GRIN2C: variants seen among roughly 807,000 people sequenced by gnomAD.
GRIN2C encodes the protein glutamate receptor ionotropic, NMDA 2C.
Under a neutral mutation model 77.7 loss-of-function variants are expected in GRIN2C, and 64 were observed. The observed-to-expected ratio is 0.82, with a 90% confidence interval of 0.67 to 1.01. The LOEUF (loss-of-function observed/expected upper bound fraction) is 1.01. GRIN2C is among the 50% of genes least tolerant of loss of function. GRIN2C has a pLI of 0.00. For missense variants in GRIN2C, 1,549 were observed against 1,486.0 expected (o/e 1.04, Z -0.70); for synonymous variants, 792 against 643.4 (o/e 1.23, Z -3.49).
Position 74,854,638 on chromosome 17 carries a change from G to A in GRIN2C, c.399+56C>T, listed in dbSNP as rs188609403. 3.9e-5 allele frequency: 58 copies of A among 1,494,998 alleles called. No individual in the cohort carries two copies. In the East Asian group the frequency reaches 1.1e-3, roughly 28 times the overall value. 92.6% of individuals were successfully genotyped at this position (1,494,998 alleles called of 1,614,324 possible). A position where few individuals can be genotyped will look rare whatever the true frequency, so the allele number is the denominator to read the frequency against. ...AGCTTCCCAGAACCAAAGCACCCCC[G>A]ACCCCAGCCTGGTTCCAGGCCTGAG... On this transcript the variant is annotated intron_variant, in intron 2 of 12. Coordinates refer to ENST00000293190, the MANE Select transcript of GRIN2C (RefSeq NM_000835.6).
chr17:74,842,948 C>A lies in GRIN2C; in HGVS notation c.3189G>T (p.Arg1063=). The A allele has an allele frequency of 1.8e-6, 1 of 556,362 alleles. No individual in the cohort carries two copies. The highest frequency in any genetic ancestry group is 2.2e-5 in the South Asian group (1 of 45,956). The allele number at this position is 556,362 out of a possible 1,614,324, so 34.5% of individuals were successfully genotyped here. ...CCCAGGCCGCGTGCAGCAGGGCCTC[C>A]CGCCGGGCCAGCTGCTCCGGACCGA... ...PLLGPEQLAR[R]EALLHAAWAR... The change falls in exon 13 of 13, where the codon CGG becomes CGT. Residue 1063 remains arginine, a synonymous_variant. Transcript: ENST00000293190.
intron 3 of GRIN2C, 32 bp downstream of exon 3, chr17:74,851,981 T>TCCCTACCC (rs2037660045): frequency 6.9e-7 from 1 of 1,446,254 alleles, no homozygotes; most frequent in African/African-American, 1.4e-5. Flanking sequence ...GCTCCCCACC[T>TCCCTACCC]CCCTACCCCT....
rs995039589 is a variant in GRIN2C at position 74,842,928 on chromosome 17, G to A, written c.3209C>T (p.Ala1070Val). 4 of 568,072 alleles carry A rather than the reference G, an allele frequency of 7.0e-6. No individual in the cohort carries two copies. Among genetic ancestry groups the A allele is most frequent in the Non-Finnish European group, 1.2e-5 (4 of 323,184 alleles). The allele number at this position is 568,072 out of a possible 1,614,324, so 35.2% of individuals were successfully genotyped here. A position where few individuals can be genotyped will look rare whatever the true frequency, so the allele number is the denominator to read the frequency against. Reference protein sequence around the residue: ...LARREALLHAAWARGSRPRHA... With the variant: ...LARREALLHAVWARGSRPRHA... ...ACGCGGGCGCGAGCCCCGGGCCCAGGCCGCGTGCAGCAGGGCCTCCCGCCG... is the reference window on the plus strand; with the variant it reads ...ACGCGGGCGCGAGCCCCGGGCCCAGACCGCGTGCAGCAGGGCCTCCCGCCG... The change falls in exon 13 of 13, where the codon GCC becomes GTC. Residue 1070 changes from alanine to valine, a missense_variant. Around this residue, in one of 3 missense-constraint regions of GRIN2C, gnomAD observed 450 missense variants for 267.9 expected, o/e 1.68. Transcript: ENST00000293190.
rs1035838861 is a variant in GRIN2C, at chr17:74,859,542, G to A, written c.-16+202C>T. 2.0e-5 allele frequency among the ~76,000 whole-genome samples: 3 copies of A among 151,270 alleles called. No homozygotes were observed. The East Asian group carries it at 5.9e-4, about 30-fold the overall frequency. ...GGTGAGCCGCCCCTCCTTTGCCGTC[G>A]GGTTTCCCTCCCTCCCTTTTGCCCA... is the stretch of plus-strand genomic sequence containing the variant. On this transcript the variant is annotated intron_variant, in intron 1 of 12. Transcript: ENST00000293190. This position sits in a 1 kb window ranked among gnomAD's most constrained non-coding sequence, Gnocchi z 5.9.
At chr17:74,860,946 A>C (rs1019095445), upstream of GRIN2C, 2 of 179,824 alleles carry the variant, frequency 1.1e-5, no homozygotes, top group South Asian at 9.7e-5. Context: ...GCCCCCTTTC[A>C]CCTTCTCGAC....
At chr17:74,853,311 T>TTG (rs2144606501) in intron 2 of GRIN2C, 1 of 152,320 alleles carries the variant, frequency 6.6e-6, no homozygotes, top group Non-Finnish European at 1.5e-5. Flanking sequence ...CAACGCAGTT[T>TTG]CTTCAATAAA....
At position 74,844,276 on chromosome 17, in the gene GRIN2C, C is replaced by G. The variant is rs565731175; in HGVS notation, c.2583G>C (p.Arg861Ser). 4.3e-6 allele frequency: 7 copies of G among 1,613,636 alleles called. No individual in the cohort carries two copies. Among genetic ancestry groups the G allele is most frequent in the African/African-American group, 4.0e-5 (3 of 75,024 alleles). ...TGTGTGGGGAGGGGTGGGCACCCAC[C>G]CTGCTGAAAGCCAGCAGGAAGTCCA... ...SQLDFLLAFSRGIYSCFSGVQ... is the reference protein window; with the variant it reads ...SQLDFLLAFSSGIYSCFSGVQ... The change falls in exon 12 of 13, where the codon AGG becomes AGC. Residue 861 changes from arginine (R) to serine (S), a missense_variant and splice_region_variant. By Grantham distance (110) the Arg-to-Ser change is moderately radical. Around this residue, in one of 3 missense-constraint regions of GRIN2C, gnomAD observed 450 missense variants for 267.9 expected, o/e 1.68. Transcript: ENST00000293190.
rs981682507 is a variant in GRIN2C, at chr17:74,852,520, G to A, written c.491C>T (p.Ala164Val). The change falls in exon 3 of 13, where the codon GCC becomes GTC. Residue 164 changes from alanine (A) to valine (V), a missense_variant. Transcript: ENST00000293190. The stretch of plus-strand genomic sequence containing the variant: ...GTGCAGGCTGGTGATGACGGCGAAG[G>A]CGCTCCAGTCGTACTCTTCCAGCAC... ...FKVLEEYDWS[A>V]FAVITSLHPG... 6.4e-7 allele frequency: 1 copy of A among 1,568,654 alleles called. No homozygotes were observed. Among genetic ancestry groups the A allele is most frequent in the Non-Finnish European group, 8.6e-7 (1 of 1,165,390 alleles).
At position 74,847,609 on chromosome 17, in the gene GRIN2C, C is replaced by T; in HGVS notation, c.1772-72G>A. ...TGAAAGGGCTCAGGGCTCAGCCCAC[C>T]CGACTGCACAGCTCCGGTCTCAGCC... On this transcript the variant is annotated intron_variant, in intron 8 of 12. Transcript: ENST00000293190. The surrounding 1 kb of genome is among the most constrained non-coding windows in gnomAD (Gnocchi z 5.2). 1 of 1,152,474 alleles carries T rather than the reference C, an allele frequency of 8.7e-7. No individual in the cohort carries two copies. Among genetic ancestry groups the T allele is most frequent in the Non-Finnish European group, 1.3e-6 (1 of 791,708 alleles). 71.4% of individuals were successfully genotyped at this position (1,152,474 alleles called of 1,614,324 possible). A position where few individuals can be genotyped will look rare whatever the true frequency, so the allele number is the denominator to read the frequency against.
chr17:74,858,358 G>A (rs1328839030), intron 1 of GRIN2C, among the ~76,000 whole-genome samples: 6 of 147,654 alleles, frequency 4.1e-5, no homozygotes, highest in East Asian at 2.0e-4. Context: ...GTTGGGGGTC[G>A]GGGGGTGGGG....
intron 2 of GRIN2C, 57 bp from the exon 3 acceptor site, chr17:74,852,668 T>G: frequency 2.9e-6 from 2 of 685,352 alleles, no homozygotes; most frequent in East Asian, 3.7e-5. Context: ...CTCCCGCCCC[T>G]TCCCCGACCT....
chr17:74,849,830 C>A lies in GRIN2C; in HGVS notation c.1595G>T (p.Ser532Ile), dbSNP rs779029103. The A allele has an allele frequency of 6.2e-7, 1 of 1,613,660 alleles. No homozygotes were observed. The highest frequency in any genetic ancestry group is 8.5e-7 in the Non-Finnish European group (1 of 1,179,844). Residue 532 changes from serine (S) to isoleucine (I), a missense_variant, in exon 7 of 13, where the codon AGT (serine) becomes ATT (isoleucine). This residue lies in a region of GRIN2C where 717 missense variants were observed against 858.1 expected (regional missense o/e 0.84). Coordinates refer to ENST00000293190, the MANE Select transcript of GRIN2C (RefSeq NM_000835.6). The surrounding 1 kb of genome is among the most constrained non-coding windows in gnomAD (Gnocchi z 4.6). ...FSVPFVETGI[S>I]VMVARSNGTV... ...GCCATTGCTGCGAGCCACCATCACA[C>A]TGATGCCCGTCTCCACAAAGGGTAC...
In GRIN2C at chr17:74,847,327, G is replaced by A. The variant is rs779395356; in HGVS notation, c.1982C>T (p.Ser661Leu). The A allele has an allele frequency of 1.0e-5, 13 of 1,291,694 alleles. No homozygotes were observed. Among genetic ancestry groups the A allele is most frequent in the South Asian group, 1.2e-5 (1 of 86,168 alleles). 80.0% of individuals were successfully genotyped at this position (1,291,694 alleles called of 1,614,324 possible). ...MIQEQYIDTV[S>L]GLSDKKFQRP... The stretch of plus-strand genomic sequence containing the variant: ...CACAACCTTCTTGTCACTGAGGCCC[G>A]ACACAGTGTCGATGTATTGCTCTTG... The change falls in exon 9 of 13, where the codon TCG (serine) becomes TTG (leucine). Residue 661 changes from serine (S) to leucine (L), a missense_variant. By Grantham distance (145) the Ser-to-Leu change is moderately radical. Around this residue, in one of 3 missense-constraint regions of GRIN2C, gnomAD observed 717 missense variants for 858.1 expected, o/e 0.84. Transcript: ENST00000293190. This position sits in a 1 kb window ranked among gnomAD's most constrained non-coding sequence, Gnocchi z 5.2.
Position 74,850,171 on chromosome 17 carries a change from C to A in GRIN2C, c.1491+35G>T. 1 of 1,608,308 alleles carries A rather than the reference C, an allele frequency of 6.2e-7. No homozygotes were observed. The highest frequency in any genetic ancestry group is 8.5e-7 in the Non-Finnish European group (1 of 1,177,160). Reference sequence around the variant, plus strand: ...GGGGCCTGGGCAGCAGGTGGGCAGGCAGGGCAGGTGAGGAGGGAGTGGGGT... The same window carrying A: ...GGGGCCTGGGCAGCAGGTGGGCAGGAAGGGCAGGTGAGGAGGGAGTGGGGT... On this transcript the variant is annotated intron_variant, in intron 6 of 12. Coordinates refer to ENST00000293190, the MANE Select transcript of GRIN2C (RefSeq NM_000835.6). This position sits in a 1 kb window ranked among gnomAD's most constrained non-coding sequence, Gnocchi z 5.3.
upstream of GRIN2C, chr17:74,860,556 C>T (rs1407049083): frequency 8.9e-6 from 4 of 451,162 alleles, no homozygotes; most frequent in South Asian, 3.1e-5. Flanking sequence ...ACAGGAGACT[C>T]GGGGCTTCCC....
In GRIN2C at chr17:74,842,490, C is replaced by A. The variant is rs139770645; in HGVS notation, c.3647G>T (p.Gly1216Val). The A allele has an allele frequency of 1.3e-5, 10 of 778,770 alleles. No individual in the cohort carries two copies. The highest frequency in any genetic ancestry group is 1.0e-4 in the African/African-American group (6 of 59,096). 48.2% of individuals were successfully genotyped at this position (778,770 alleles called of 1,614,324 possible). The change falls in exon 13 of 13, where the codon GGC (glycine) becomes GTC (valine). Residue 1216 changes from glycine (G) to valine (V), a missense_variant. By Grantham distance (109) the Gly-to-Val change is moderately radical. Transcript: ENST00000293190. ...TCTCCAGGTGCAGGGTCCCGGGAAG[C>A]CTTGCGTCCCACGGGCTACCCTGCT... ...EISRVARGTQGFPGPCTWRRI... is the reference protein window; with the variant it reads ...EISRVARGTQVFPGPCTWRRI...
rs1253587179 is a variant in GRIN2C at position 74,851,577 on chromosome 17, C to T, written c.1113G>A (p.Met371Ile). ...IALNRHRLWEMVGRWEHGVLY... is the reference protein window; with the variant it reads ...IALNRHRLWEIVGRWEHGVLY... ...GCCCCTGGGCTCACCCCCTTCTCAC[C>T]ATCTCCCAGAGGCGGTGCCGGTTGA... is the stretch of plus-strand genomic sequence containing the variant. The change falls in exon 4 of 13, where the codon ATG (methionine) becomes ATA (isoleucine). Residue 371 changes from methionine to isoleucine, a missense_variant and splice_region_variant. Transcript: ENST00000293190. 1.3e-6 allele frequency: 2 copies of T among 1,544,680 alleles called. No individual in the cohort carries two copies. The highest frequency in any genetic ancestry group is 1.8e-6 in the Non-Finnish European group (2 of 1,139,082).
intron 7 of GRIN2C, among the ~76,000 whole-genome samples, chr17:74,848,935 T>C (rs904591004): frequency 6.6e-5 from 10 of 151,838 alleles, no homozygotes; most frequent in African/African-American, 2.4e-4. Flanking sequence ...GAGGATCACT[T>C]GAGCCCAGGA....
rs1567894657 is a variant in GRIN2C, at chr17:74,850,687, C to T, written c.1194G>A (p.Val398=). 6.2e-7 allele frequency: 1 copy of T among 1,613,550 alleles called. No homozygotes were observed. The highest frequency in any genetic ancestry group is 8.5e-7 in the Non-Finnish European group (1 of 1,180,006). ...PRYSASLQPV[V]DSRHLTVATL... ...TGGCCACCGTCAGGTGCCGACTGTCCACCACAGGCTGCAGAGAGGCACTGT... is the reference window on the plus strand; with the variant it reads ...TGGCCACCGTCAGGTGCCGACTGTCTACCACAGGCTGCAGAGAGGCACTGT... The change falls in exon 5 of 13, where the codon GTG becomes GTA. Residue 398 remains valine, a synonymous_variant. Transcript: ENST00000293190. The surrounding 1 kb of genome is among the most constrained non-coding windows in gnomAD (Gnocchi z 5.3).
Sources: gnomAD v4.1 joint callset for allele counts (sites outside exome capture counted in the v4.1 genomes callset) on GRCh38, gnomAD v4.1.1 for gene constraint, gnomAD v4.1.1 regional missense constraint, Gnocchi (gnomAD v3.1) non-coding constraint, MANE v1.5 for transcripts, NCBI Gene and HGNC (gene_info 2026-07-23, HGNC 2026-07-21) for gene names.